Variants in FAM53A observed in about 807,000 individuals in gnomAD.
FAM53A encodes family with sequence similarity 53 member A, also known as protein FAM53A.
Under a neutral mutation model 26.6 loss-of-function variants are expected in FAM53A, and 28 were observed. That is an observed-to-expected ratio of 1.05 (90% confidence interval 0.78 to 1.45). The LOEUF (loss-of-function observed/expected upper bound fraction) is 1.45, where lower values mean the gene tolerates loss of function less well. Among genes scored for constraint, FAM53A ranks in the 40% most tolerant of loss-of-function variants. The pLI is 0.00. For missense variants in FAM53A, 650 were observed against 575.8 expected, an observed-to-expected ratio of 1.13 and a Z score of -1.32; for synonymous variants, 290 against 253.1, an observed-to-expected ratio of 1.15 and a Z score of -1.38.
downstream of FAM53A, among the ~76,000 whole-genome samples, chr4:1,636,783 G>C (rs1321250145): frequency 6.6e-6 from 1 of 152,236 alleles, no homozygotes; most frequent in Non-Finnish European, 1.5e-5. Flanking sequence ...CCAGGCATCG[G>C]GAGGCCACGG....
downstream of FAM53A, among the ~76,000 whole-genome samples, chr4:1,638,560 G>A (rs1715952288): frequency 6.6e-6 from 1 of 152,182 alleles, no homozygotes; most frequent in Non-Finnish European, 1.5e-5. Context: ...TTTGGGGAAG[G>A]AGGAGATGAG....
At position 1,640,438 on chromosome 4, in the gene FAM53A, G is replaced by A. The variant is rs187564663; in HGVS notation, c.*855C>T. 24 of 285,504 alleles carry A rather than the reference G, an allele frequency of 8.4e-5. No individual in the cohort carries two copies. Among genetic ancestry groups the A allele is most frequent in the Middle Eastern group, 1.2e-3 (1 of 844 alleles). 17.7% of individuals were successfully genotyped at this position (285,504 alleles called of 1,614,324 possible). A position where few individuals can be genotyped will look rare whatever the true frequency, so the allele number is the denominator to read the frequency against. On this transcript the variant is annotated 3_prime_UTR_variant, in exon 5 of 5. Coordinates refer to ENST00000308132, the MANE Select transcript of FAM53A (RefSeq NM_001174070.3). ...AGGCGCCCTGCACAGCAGGCCTTTC[G>A]TGGGGAACACAGACGCATGTTAATC...
At chr4:1,622,619 G>A (rs1245104370) in intron 1 of FAM53A, among the ~76,000 whole-genome samples, 1 of 152,260 alleles carries the variant, frequency 6.6e-6, no homozygotes, top group Non-Finnish European at 1.5e-5. Context: ...AGCCCTGCAT[G>A]CCCATTTGGG....
chr4:1,628,039 G>C, intron 1 of FAM53A, among the ~76,000 whole-genome samples: 1 of 134,548 alleles, frequency 7.4e-6, no homozygotes, highest in South Asian at 2.6e-4. Flanking sequence ...GGGTGGCACG[G>C]GGGGAGGGTG....
At position 1,622,335 on chromosome 4, in the gene FAM53A, C is replaced by T. The variant is rs566692110; in HGVS notation, c.432-4224G>A. Among the ~76,000 whole-genome samples the T allele has an allele frequency of 2.0e-5, 3 of 152,238 alleles. No homozygotes were observed. In the South Asian group the frequency reaches 6.3e-4, roughly 32 times the overall value. On this transcript the variant is annotated intron_variant, in intron 1 of 1. Transcript: ENST00000489029. ...CAAAGGCGGCTGCTTCCCTAGGAGT[C>T]ACTGCAGCAGGAGCCCCCCGGCTGA...
the FAM53A span, among the ~76,000 whole-genome samples, chr4:1,595,621 A>T: frequency 6.6e-6 from 1 of 152,238 alleles, no homozygotes; most frequent in African/African-American, 2.4e-5. Context: ...TGTCCTGTGC[A>T]CAGACCCCTC....
intron 4 of FAM53A, chr4:1,644,638 T>C: frequency 2.7e-6 from 1 of 371,492 alleles, no homozygotes; most frequent in African/African-American, 2.1e-5. Flanking sequence ...GATGGTCACT[T>C]CCATCTGAGG....
the FAM53A span, among the ~76,000 whole-genome samples, chr4:1,579,753 G>A: frequency 2.6e-5 from 4 of 152,136 alleles, no homozygotes; most frequent in Non-Finnish European, 4.4e-5. Flanking sequence ...TCCCGCCACG[G>A]GCTGGCCAGG....
At chr4:1,644,561 G>A (rs554243038) in intron 4 of FAM53A, 3 of 518,794 alleles carry the variant, frequency 5.8e-6, no homozygotes, top group African/African-American at 3.9e-5. Flanking sequence ...CATCCGCCTC[G>A]CGCCCCCTGT....
chr4:1,667,572 C>T (rs1156732745), intron 2 of FAM53A, among the ~76,000 whole-genome samples: 1 of 152,180 alleles, frequency 6.6e-6, no homozygotes, highest in African/African-American at 2.4e-5. Context: ...CACCCACACT[C>T]GCCAGCTCTC....
the FAM53A span, among the ~76,000 whole-genome samples, chr4:1,606,559 GT>G: frequency 6.6e-6 from 1 of 152,196 alleles, no homozygotes; most frequent in Non-Finnish European, 1.5e-5. Context: ...TGCCTACCGC[GT>G]GACTCAGACA....
chr4:1,673,346 C>T (rs555680515), intron 1 of FAM53A, among the ~76,000 whole-genome samples: 113 of 152,340 alleles, frequency 7.4e-4, no homozygotes, highest in Non-Finnish European at 1.4e-3. Flanking sequence ...CCTGTGGTCA[C>T]GTGTGATGTG....
chr4:1,600,485 GCCAC>G, the FAM53A span, among the ~76,000 whole-genome samples: 1 of 152,186 alleles, frequency 6.6e-6, no homozygotes, highest in Middle Eastern at 3.4e-3. Flanking sequence ...GCACCAGGAG[GCCAC>G]CCACCCACCC....
Position 1,625,597 on chromosome 4 carries a change from C to G in FAM53A, c.432-7486G>C, listed in dbSNP as rs56244509. Among the ~76,000 whole-genome samples, 68 of 58,526 alleles carry G rather than the reference C, an allele frequency of 1.2e-3. 1 individual carries two copies. Among genetic ancestry groups the G allele is most frequent in the Admixed American group, 2.9e-3 (18 of 6,286 alleles). 38.4% of individuals were successfully genotyped at this position (58,526 alleles called of 152,430 possible). A position where few individuals can be genotyped will look rare whatever the true frequency, so the allele number is the denominator to read the frequency against. On this transcript the variant is annotated intron_variant, in intron 1 of 1. Transcript: ENST00000489029. ...CAGGGTCACGCCAGGTGATCAGAAG[C>G]CCCCATGTCCCGACCCACGTGGTCA...
intron 2 of FAM53A, among the ~76,000 whole-genome samples, chr4:1,665,830 G>C (rs550156570): frequency 6.6e-6 from 1 of 152,118 alleles, no homozygotes; most frequent in Non-Finnish European, 1.5e-5. Flanking sequence ...ATGAAGAATG[G>C]GAGGGAGGGA....
the FAM53A span, among the ~76,000 whole-genome samples, chr4:1,607,889 G>A: frequency 1.3e-5 from 2 of 151,330 alleles, no homozygotes; most frequent in African/African-American, 2.4e-5. Flanking sequence ...GCAGTGAGCC[G>A]AGATCACGCC....
At chr4:1,617,368 T>TAC (rs1183036878), downstream of FAM53A, among the ~76,000 whole-genome samples, 1 of 152,184 alleles carries the variant, frequency 6.6e-6, no homozygotes, top group East Asian at 1.9e-4. Flanking sequence ...TTATTACTTA[T>TAC]ACGTGGCTCA....
chr4:1,614,435 GATGCAGAGACATGAGGGGC>G (rs1560099435), downstream of FAM53A, among the ~76,000 whole-genome samples: 573 of 129,816 alleles, frequency 4.4e-3, 56 homozygotes, highest in African/African-American at 0.017. Context: ...ACGTGAGGGG[GATGCAGAGACATGAGGGGC>G]ATGCAGAGAC....
intron 1 of FAM53A, among the ~76,000 whole-genome samples, chr4:1,624,293 G>A (rs1715183831): frequency 6.6e-6 from 1 of 152,160 alleles, no homozygotes; most frequent in Admixed American, 6.5e-5. Flanking sequence ...CTGGACGCAG[G>A]GCTCACCAGG....
Sources: allele counts gnomAD v4.1 joint callset (sites outside exome capture counted in the v4.1 genomes callset), GRCh38; gene constraint gnomAD v4.1.1; transcripts MANE v1.5; gene names NCBI Gene and HGNC (gene_info 2026-07-23, HGNC 2026-07-21).